The following PRTFDC1 variants were observed in gnomAD, a reference collection of about 807,000 sequenced individuals.
PRTFDC1 encodes phosphoribosyl transferase domain containing 1, also known as phosphoribosyltransferase domain-containing protein 1.
In PRTFDC1, 38 loss-of-function variants were observed where a neutral mutation model predicts 34.6. The ratio of observed to expected loss-of-function variants is 1.10; its 90% CI spans 0.85 to 1.44. The LOEUF is 1.44. Among genes scored for constraint, PRTFDC1 ranks in the 40% most tolerant of loss-of-function variants. The pLI, the probability that PRTFDC1 is intolerant of heterozygous loss-of-function variation, is 0.00. For synonymous variants in PRTFDC1, 93 were observed against 98.1 expected (o/e 0.95, Z 0.31); for missense variants, 270 against 283.0 (o/e 0.95, Z 0.33).
In PRTFDC1 at chr10:24,951,601, C is replaced by G. The variant is rs929881481; in HGVS notation, c.48+927G>C. 4.1e-6 allele frequency: 4 copies of G among 984,822 alleles called. No homozygotes were observed. In the African/African-American group the frequency reaches 5.3e-5, roughly 13 times the overall value. The allele number at this position is 984,822 out of a possible 1,614,324, so 61.0% of individuals were successfully genotyped here. A position where few individuals can be genotyped will look rare whatever the true frequency, so the allele number is the denominator to read the frequency against. ...AAACAGATTATCTGTGAATGACAAG[C>G]TGATCCCTGGAAAGAGATGGCAAGT... On this transcript the variant is annotated intron_variant, in intron 1 of 8. Transcript: ENST00000320152.
chr10:24,949,661 T>C (rs1251221748), intron 1 of PRTFDC1, among the ~76,000 whole-genome samples: 1 of 152,170 alleles, frequency 6.6e-6, no homozygotes, highest in Non-Finnish European at 1.5e-5. Flanking sequence ...TTGTGGGCTC[T>C]CATGCAAGCA....
chr10:24,950,730 C>T (rs1376056720), intron 1 of PRTFDC1, among the ~76,000 whole-genome samples: 1 of 152,092 alleles, frequency 6.6e-6, no homozygotes, highest in African/African-American at 2.4e-5. Context: ...GTTCCTTCAA[C>T]CAGCTTCTCC....
chr10:24,919,623 A>G (rs1265620202), intron 3 of PRTFDC1, among the ~76,000 whole-genome samples: 1 of 152,250 alleles, frequency 6.6e-6, no homozygotes, highest in East Asian at 1.9e-4. Flanking sequence ...AAAAGCACAA[A>G]TTGACAAATG....
intron 1 of PRTFDC1, among the ~76,000 whole-genome samples, chr10:24,942,688 C>T (rs182853606): frequency 6.6e-5 from 10 of 152,268 alleles, no homozygotes; most frequent in Admixed American, 5.9e-4. Flanking sequence ...TTCTCTGTCA[C>T]CCAGGCTGGA....
At chr10:24,941,062 T>TG (rs1564320103) in intron 2 of PRTFDC1, among the ~76,000 whole-genome samples, 3,361 of 145,094 alleles carry the variant, frequency 0.023, 57 homozygotes, top group East Asian at 0.042. Context: ...GTGTGTGTGT[T>TG]TGTGTGTTTG....
chr10:24,931,816 A>G (rs1193210030), intron 3 of PRTFDC1, among the ~76,000 whole-genome samples: 2 of 151,882 alleles, frequency 1.3e-5, no homozygotes, highest in African/African-American at 4.8e-5. Context: ...AATTCTACAC[A>G]AACTCTTCTG....
chr10:24,877,813 G>A (rs565802655), intron 3 of PRTFDC1, among the ~76,000 whole-genome samples: 13 of 152,170 alleles, frequency 8.5e-5, no homozygotes, highest in East Asian at 1.9e-4. Context: ...TAGAGATGGC[G>A]TTTCGCCATG....
intron 7 of PRTFDC1, among the ~76,000 whole-genome samples, chr10:24,852,778 G>A (rs565922646): frequency 6.6e-6 from 1 of 152,290 alleles, no homozygotes; most frequent in South Asian, 2.1e-4. Context: ...TTTAATGGAA[G>A]TGTACTTGGG....
intron 4 of PRTFDC1, among the ~76,000 whole-genome samples, chr10:24,870,827 T>C (rs924331232): frequency 5.3e-5 from 8 of 151,652 alleles, no homozygotes; most frequent in Non-Finnish European, 5.9e-5. Flanking sequence ...GTGGCTCCAC[T>C]TTGGGCAGCC....
At chr10:24,920,698 A>AT (rs909271461) in intron 3 of PRTFDC1, among the ~76,000 whole-genome samples, 7 of 151,496 alleles carry the variant, frequency 4.6e-5, no homozygotes, top group African/African-American at 1.2e-4. Flanking sequence ...ATAAAATTCA[A>AT]TTTTTTTTTC....
At chr10:24,913,542 A>G (rs1037563764) in intron 3 of PRTFDC1, among the ~76,000 whole-genome samples, 30 of 152,222 alleles carry the variant, frequency 2.0e-4, no homozygotes, top group African/African-American at 7.2e-4. Context: ...CATGATCATG[A>G]CAACAAAGAG....
At chr10:24,910,295 G>A (rs74626163) in intron 3 of PRTFDC1, among the ~76,000 whole-genome samples, 2,911 of 152,240 alleles carry the variant, frequency 0.019, 107 homozygotes, top group African/African-American at 0.067. Flanking sequence ...CTTTGGTTGA[G>A]GAAAGAACAT....
At chr10:24,899,496 C>T (rs76510471) in intron 3 of PRTFDC1, among the ~76,000 whole-genome samples, 17,679 of 152,066 alleles carry the variant, frequency 0.12, 1,259 homozygotes, top group East Asian at 0.29. Context: ...GACCTGCCAC[C>T]TCTGACCAAC....
chr10:24,904,510 T>C (rs1312480649), intron 3 of PRTFDC1, among the ~76,000 whole-genome samples: 2 of 152,182 alleles, frequency 1.3e-5, no homozygotes, highest in African/African-American at 2.4e-5. Flanking sequence ...TGGGACAGCA[T>C]GTCAGGGAGG....
intron 3 of PRTFDC1, among the ~76,000 whole-genome samples, chr10:24,921,809 C>A (rs1848794678): frequency 6.6e-6 from 1 of 151,144 alleles, no homozygotes; most frequent in Non-Finnish European, 1.5e-5. Context: ...TTAAATAATT[C>A]TTGTCCTTGA....
At chr10:24,918,211 G>T (rs1330752398) in intron 3 of PRTFDC1, among the ~76,000 whole-genome samples, 1 of 151,990 alleles carries the variant, frequency 6.6e-6, no homozygotes, top group Admixed American at 6.6e-5. Context: ...TTCTTCTTTG[G>T]TGTCATTCAT....
intron 3 of PRTFDC1, among the ~76,000 whole-genome samples, chr10:24,912,339 G>A (rs1232335566): frequency 1.4e-5 from 2 of 143,102 alleles, no homozygotes; most frequent in Non-Finnish European, 3.0e-5. Flanking sequence ...CAGAGAGGCT[G>A]CAGCGTCTTC....
At chr10:24,852,181 AG>A (rs1847502773) in intron 7 of PRTFDC1, among the ~76,000 whole-genome samples, 1 of 151,552 alleles carries the variant, frequency 6.6e-6, no homozygotes, top group Non-Finnish European at 1.5e-5. Context: ...TTTGTCAGAA[AG>A]GATTCTTTTT....
At chr10:24,871,153 A>AT (rs1344357200) in intron 4 of PRTFDC1, among the ~76,000 whole-genome samples, 11 of 150,240 alleles carry the variant, frequency 7.3e-5, no homozygotes, top group Admixed American at 2.7e-4. Context: ...TGTGGCTGCT[A>AT]TTTTTTTCCC....
Sources: allele counts gnomAD v4.1 joint callset (sites outside exome capture counted in the v4.1 genomes callset), GRCh38; gene constraint gnomAD v4.1.1; transcripts MANE v1.5; gene names NCBI Gene and HGNC (gene_info 2026-07-23, HGNC 2026-07-21).